The following JAK1 variants were observed in gnomAD, a reference collection of about 807,000 sequenced individuals.
JAK1 encodes the protein tyrosine-protein kinase JAK1.
JAK1 carries 16 observed loss-of-function variants against 136.6 expected under a neutral mutation model. The ratio of observed to expected loss-of-function variants is 0.12; its 90% confidence interval spans 0.08 to 0.18. The LOEUF is 0.18. Ranked by LOEUF, JAK1 falls within the 10% of genes least tolerant of loss-of-function variation. The pLI, the probability that JAK1 is intolerant of heterozygous loss-of-function variation, is 1.00. For synonymous variants in JAK1, 492 were observed against 519.5 expected, an observed-to-expected ratio of 0.95 and a Z score of 0.72; for missense variants, 859 against 1,450.1, an observed-to-expected ratio of 0.59 and a Z score of 6.62.
At chr1:64,933,898 G>A (rs998470288) in intron 1 of JAK1, among the ~76,000 whole-genome samples, 6 of 152,122 alleles carry the variant, frequency 3.9e-5, no homozygotes, top group African/African-American at 2.4e-5. Flanking sequence ...ATTCAAAATC[G>A]CTGTGGTCCT....
intron 1 of JAK1, chr1:64,942,008 T>C (rs1237207974): frequency 2.6e-5 from 4 of 152,128 alleles, no homozygotes; most frequent in African/African-American, 7.2e-5. Context: ...TCCAGAATTA[T>C]ATAAAAATCC....
intron 1 of JAK1, among the ~76,000 whole-genome samples, chr1:64,898,326 T>C (rs750191804): frequency 1.1e-4 from 16 of 152,330 alleles, no homozygotes; most frequent in Non-Finnish European, 2.1e-4. Flanking sequence ...GAATTATTTT[T>C]GTAACATCTT....
intron 2 of JAK1, chr1:64,990,919 C>CAAAAAAAAAAAAAAAAAAAA (rs1173485942): frequency 1.4e-4 from 6 of 44,000 alleles, no homozygotes; most frequent in East Asian, 8.0e-4. Flanking sequence ...GACTCCGTCT[C>CAAAAAAAAAAAAAAAAAAAA]AAAAAAAAAA....
rs938496824 is a variant in JAK1 at position 64,951,649 on chromosome 1, C to T, written c.-78+14684G>A. 1.1e-3 allele frequency among the ~76,000 whole-genome samples: 85 copies of T among 76,990 alleles called. 1 individual carries two copies. The highest frequency in any genetic ancestry group is 0.016 in the Middle Eastern group (1 of 62). 50.5% of individuals were successfully genotyped at this position (76,990 alleles called of 152,430 possible). A position where few individuals can be genotyped will look rare whatever the true frequency, so the allele number is the denominator to read the frequency against. ...GCCCTTAGCTATAAACAAGTTCTGC[C>T]TTTTTTTTTTTTTTTTTTTTTTTTT... On this transcript the variant is annotated intron_variant, in intron 1 of 24. Transcript: ENST00000342505.
intron 2 of JAK1, among the ~76,000 whole-genome samples, chr1:65,009,524 A>T (rs1646831871): frequency 6.6e-6 from 1 of 152,228 alleles, no homozygotes; most frequent in African/African-American, 2.4e-5. Context: ...TAATTAAATT[A>T]GGAAGAAAGT....
intron 19 of JAK1, among the ~76,000 whole-genome samples, chr1:64,840,191 C>T (rs991940258): frequency 3.3e-5 from 5 of 152,298 alleles, no homozygotes; most frequent in African/African-American, 4.8e-5. Context: ...CTTTAGAAGA[C>T]GTGAGATCAG....
chr1:64,854,955 G>A (rs1331580025), intron 11 of JAK1, among the ~76,000 whole-genome samples: 1 of 152,168 alleles, frequency 6.6e-6, no homozygotes, highest in East Asian at 1.9e-4. Context: ...GCAGCCCCCT[G>A]TGCCACGGAA....
At chr1:64,944,306 A>C (rs1569658152) in intron 1 of JAK1, among the ~76,000 whole-genome samples, 1 of 152,172 alleles carries the variant, frequency 6.6e-6, no homozygotes, top group East Asian at 1.9e-4. Flanking sequence ...CTTTTTACTA[A>C]TAAATTGGAA....
chr1:65,044,890 A>AG (rs1647170799), intron 1 of JAK1, among the ~76,000 whole-genome samples: 1 of 152,238 alleles, frequency 6.6e-6, no homozygotes, highest in Admixed American at 6.5e-5. Context: ...AAAACATAAC[A>AG]ATGAACTGTT....
intron 5 of JAK1, among the ~76,000 whole-genome samples, chr1:64,872,412 T>C (rs1657126291): frequency 6.6e-6 from 1 of 152,204 alleles, no homozygotes; most frequent in African/African-American, 2.4e-5. Flanking sequence ...AGAGAGACCT[T>C]CTCTGATCAT....
chr1:64,864,365 G>A (rs571755492), intron 8 of JAK1, among the ~76,000 whole-genome samples: 1 of 152,338 alleles, frequency 6.6e-6, no homozygotes, highest in African/African-American at 2.4e-5. Flanking sequence ...ACACCATATC[G>A]ATGACTGCCA....
intron 1 of JAK1, among the ~76,000 whole-genome samples, chr1:64,959,615 A>G (rs2100620930): frequency 6.6e-6 from 1 of 152,360 alleles, no homozygotes; most frequent in East Asian, 1.9e-4. Context: ...CCAGAAAGTC[A>G]AATACATTCC....
At chr1:64,904,030 G>C (rs1389115235) in intron 1 of JAK1, among the ~76,000 whole-genome samples, 1 of 152,130 alleles carries the variant, frequency 6.6e-6, no homozygotes, top group African/African-American at 2.4e-5. Flanking sequence ...GAATCTAACA[G>C]GTATATATTT....
chr1:64,855,310 T>C (rs1655856846), intron 11 of JAK1, among the ~76,000 whole-genome samples, 199 bp downstream of exon 11: 1 of 152,216 alleles, frequency 6.6e-6, no homozygotes, highest in African/African-American at 2.4e-5. Flanking sequence ...GAAAGGTATA[T>C]GCCTCTTCTA....
intron 1 of JAK1, among the ~76,000 whole-genome samples, chr1:65,047,592 G>A (rs1647196568): frequency 6.6e-6 from 1 of 152,058 alleles, no homozygotes; most frequent in Non-Finnish European, 1.5e-5. Context: ...GGTGGCAGGT[G>A]CGTGTAGTCC....
chr1:64,836,824 C>G (rs1654511558), intron 22 of JAK1, among the ~76,000 whole-genome samples: 1 of 152,090 alleles, frequency 6.6e-6, no homozygotes, highest in South Asian at 2.1e-4. Context: ...CTCCCTGGCT[C>G]CAGACTCCCT....
rs575986960 is a variant in JAK1 at position 64,925,153 on chromosome 1, T to C, written c.-77-38812A>G. Among the ~76,000 whole-genome samples the C allele has an allele frequency of 1.2e-4, 19 of 152,072 alleles. 1 individual carries two copies. On this transcript the variant is annotated intron_variant, in intron 1 of 24. Coordinates refer to ENST00000342505, the MANE Select transcript of JAK1 (RefSeq NM_002227.4). ...GGCTCATGCCTGTAATCCCAGCACT[T>C]TGGGAGGCTGAGGCGGGCGGATCAC...
In JAK1 at chr1:64,873,497, G is replaced by A. The variant is rs778588460; in HGVS notation, c.356C>T (p.Thr119Ile). Residue 119 changes from threonine (T) to isoleucine (I), a missense_variant, in exon 5 of 25, where the codon ACC becomes ATC. Thr to Ile is a moderately conservative substitution (Grantham distance 89, BLOSUM62 -1). Around this residue, in one of 4 missense-constraint regions of JAK1, gnomAD observed 353 missense variants for 494.0 expected, o/e 0.71. Coordinates refer to ENST00000342505, the MANE Select transcript of JAK1 (RefSeq NM_002227.4). ...MRFYFTNWHG[T>I]NDNEQSVWRH... The stretch of plus-strand genomic sequence containing the variant: ...CCACACTGACTGCTCATTGTCGTTG[G>A]TTCCATGCCAATTGGTGAAATAGAA... 1 of 1,614,176 alleles carries A rather than the reference G, an allele frequency of 6.2e-7. No individual in the cohort carries two copies. Among genetic ancestry groups the A allele is most frequent in the Non-Finnish European group, 8.5e-7 (1 of 1,180,022 alleles).
chr1:64,869,506 CACCCGTTTTTGATCTTG>C (rs1656941664), intron 5 of JAK1, 32 bp from the exon 6 acceptor site: 1 of 1,600,018 alleles, frequency 6.2e-7, no homozygotes, highest in East Asian at 2.2e-5. Context: ...CATGAGAGCC[CACCCGTTTTTGATCTTG>C]ACAAGAAGGC....
Sources: allele counts gnomAD v4.1 joint callset (sites outside exome capture counted in the v4.1 genomes callset), GRCh38; gene constraint gnomAD v4.1.1; regional missense constraint gnomAD v4.1.1; transcripts MANE v1.5; gene names NCBI Gene and HGNC (gene_info 2026-07-23, HGNC 2026-07-21).